The following PRKG1 variants were observed in gnomAD, a reference collection of about 807,000 sequenced individuals.
PRKG1 encodes the protein protein kinase cGMP-dependent 1, also known as cGMP-dependent protein kinase 1.
PRKG1 carries 35 observed loss-of-function variants against 88.1 expected under a neutral mutation model. The observed-to-expected ratio is 0.40, with a 90% CI of 0.30 to 0.53. The LOEUF is 0.53. Ranked by LOEUF, PRKG1 falls within the 20% of genes least tolerant of loss-of-function variation. PRKG1 has a pLI of 0.59. For synonymous variants in PRKG1, 303 were observed against 292.5 expected (o/e 1.04, Z -0.37); for missense variants, 540 against 839.8 (o/e 0.64, Z 4.41).
At chr10:52,140,746 G>A (rs1047629544) in intron 8 of PRKG1, among the ~76,000 whole-genome samples, 7 of 152,066 alleles carry the variant, frequency 4.6e-5, no homozygotes, top group Non-Finnish European at 8.8e-5. Context: ...TTTGGGGACA[G>A]CAAACCCTTG....
At chr10:52,293,196 A>C (rs930936777) in intron 17 of PRKG1, among the ~76,000 whole-genome samples, 8 of 150,960 alleles carry the variant, frequency 5.3e-5, no homozygotes, top group Admixed American at 1.3e-4. Flanking sequence ...TAGGAATCCA[A>C]CTTCCAAGGG....
At chr10:51,404,839 A>T (rs780464772) in intron 2 of PRKG1, among the ~76,000 whole-genome samples, 1 of 152,168 alleles carries the variant, frequency 6.6e-6, no homozygotes, top group African/African-American at 2.4e-5. Context: ...TCACCTCTAC[A>T]TCTATGCAAC....
intron 5 of PRKG1, among the ~76,000 whole-genome samples, chr10:52,023,163 G>A (rs976798936): frequency 2.0e-5 from 3 of 152,154 alleles, no homozygotes; most frequent in Non-Finnish European, 2.9e-5. Context: ...GAGAACATGT[G>A]GTGTTTGGTT....
chr10:51,625,402 G>T (rs548004949), intron 3 of PRKG1, among the ~76,000 whole-genome samples: 7 of 152,148 alleles, frequency 4.6e-5, no homozygotes, highest in Admixed American at 1.3e-4. Context: ...ACTTGAACCC[G>T]TGAGACAGAG....
chr10:52,238,505 G>C (rs1367629774), intron 9 of PRKG1, among the ~76,000 whole-genome samples: 1 of 151,992 alleles, frequency 6.6e-6, no homozygotes, highest in Non-Finnish European at 1.5e-5. Context: ...CAAAAAGTGG[G>C]TGAAGGACAT....
intron 3 of PRKG1, among the ~76,000 whole-genome samples, chr10:51,778,302 GAA>G (rs1203706467): frequency 2.0e-5 from 3 of 152,124 alleles, no homozygotes; most frequent in Non-Finnish European, 4.4e-5. Flanking sequence ...TGAGAACGTA[GAA>G]ATGTTCTCAG....
At chr10:51,591,468 T>G (rs567161355) in intron 3 of PRKG1, among the ~76,000 whole-genome samples, 4 of 152,366 alleles carry the variant, frequency 2.6e-5, no homozygotes, top group African/African-American at 9.6e-5. Flanking sequence ...ATTTTCCTCA[T>G]AGATATCTAT....
chr10:51,785,882 T>C (rs1202461971), intron 3 of PRKG1, among the ~76,000 whole-genome samples: 1 of 152,194 alleles, frequency 6.6e-6, no homozygotes, highest in African/African-American at 2.4e-5. Flanking sequence ...AATAGATCAA[T>C]AGTTACTTAA....
chr10:51,896,645 TAAAAAAAAAAAAA>T (rs10649150), intron 4 of PRKG1, among the ~76,000 whole-genome samples: 1 of 95,004 alleles, frequency 1.1e-5, no homozygotes, highest in Non-Finnish European at 1.9e-5. Flanking sequence ...CCCTGTCTCT[TAAAAAAAAAAAAA>T]AAAAAAAAAA....
At chr10:51,586,538 C>A (rs1214437374) in intron 3 of PRKG1, among the ~76,000 whole-genome samples, 1 of 151,980 alleles carries the variant, frequency 6.6e-6, no homozygotes, top group Non-Finnish European at 1.5e-5. Flanking sequence ...TTTTGTTCTC[C>A]CTTCACATTT....
intron 2 of PRKG1, among the ~76,000 whole-genome samples, chr10:51,329,132 C>T (rs1206076147): frequency 6.6e-6 from 1 of 152,136 alleles, no homozygotes; most frequent in Non-Finnish European, 1.5e-5. Context: ...TCCAAAAATT[C>T]ATTGCCCAGG....
upstream of PRKG1, among the ~76,000 whole-genome samples, chr10:51,071,922 G>T (rs953380761): frequency 2.6e-5 from 4 of 152,240 alleles, 1 homozygote; most frequent in Middle Eastern, 6.8e-3. Flanking sequence ...GAGATGGCTG[G>T]GCACAGTGGC....
intron 5 of PRKG1, among the ~76,000 whole-genome samples, chr10:52,047,851 G>T (rs373702392): frequency 4.2e-4 from 64 of 152,002 alleles, no homozygotes; most frequent in African/African-American, 1.4e-3. Flanking sequence ...CTTAATATAG[G>T]ACTCTTCTTC....
intron 7 of PRKG1, chr10:52,062,872 T>G: frequency 4.3e-6 from 3 of 701,462 alleles, no homozygotes; most frequent in Non-Finnish European, 7.9e-6. Context: ...GGAAACATTT[T>G]CAGGTTTGTG....
chr10:51,224,936 C>T (rs1371227361), intron 2 of PRKG1, among the ~76,000 whole-genome samples: 1 of 152,138 alleles, frequency 6.6e-6, no homozygotes, highest in Non-Finnish European at 1.5e-5. Context: ...GCCCCTGCTT[C>T]CCATCGCCTA....
intron 2 of PRKG1, among the ~76,000 whole-genome samples, chr10:51,206,506 A>AT (rs1838065085): frequency 6.6e-6 from 1 of 151,442 alleles, no homozygotes; most frequent in Non-Finnish European, 1.5e-5. Context: ...AAAAAAAAAA[A>AT]GAATGGAGCC....
At chr10:52,010,348 T>C (rs573963987) in intron 5 of PRKG1, among the ~76,000 whole-genome samples, 1 of 152,170 alleles carries the variant, frequency 6.6e-6, no homozygotes, top group East Asian at 1.9e-4. Flanking sequence ...CATTAAAAAG[T>C]GGGCAAAGGA....
At chr10:51,781,798 C>G (rs908487307) in intron 3 of PRKG1, among the ~76,000 whole-genome samples, 1 of 151,982 alleles carries the variant, frequency 6.6e-6, no homozygotes, top group Non-Finnish European at 1.5e-5. Context: ...AGTTAGAAGT[C>G]CCTGTAATTC....
At chr10:51,943,360 T>C (rs1024323266) in intron 5 of PRKG1, among the ~76,000 whole-genome samples, 9 of 152,008 alleles carry the variant, frequency 5.9e-5, no homozygotes, top group Non-Finnish European at 8.8e-5. Flanking sequence ...TGGGCTGAGA[T>C]GATGGGGTTT....
Sources: gnomAD v4.1 joint callset for allele counts (sites outside exome capture counted in the v4.1 genomes callset) on GRCh38, gnomAD v4.1.1 for gene constraint, MANE v1.5 for transcripts, NCBI Gene and HGNC (gene_info 2026-07-23, HGNC 2026-07-21) for gene names.